The following DNM3 variants were observed in gnomAD, a reference collection of about 807,000 sequenced individuals.
DNM3 encodes dynamin-3.
DNM3 carries 47 observed loss-of-function variants against 101.6 expected under a neutral mutation model. The observed-to-expected ratio is 0.46, with a 90% confidence interval of 0.37 to 0.59. The LOEUF (loss-of-function observed/expected upper bound fraction) is 0.59. Among genes scored for constraint, DNM3 ranks in the 20% least tolerant of loss-of-function variants. The probability of loss-of-function intolerance (pLI) is 0.00; values close to 1 mark genes in which losing one functional copy is unlikely to be tolerated. For missense variants in DNM3, 849 were observed against 1,085.7 expected, an observed-to-expected ratio of 0.78 and a Z score of 3.06; for synonymous variants, 385 against 387.9, an observed-to-expected ratio of 0.99 and a Z score of 0.09.
chr1:172,354,686 C>T (rs2067363300), intron 17 of DNM3, among the ~76,000 whole-genome samples: 1 of 152,000 alleles, frequency 6.6e-6, no homozygotes, highest in African/African-American at 2.4e-5. Flanking sequence ...ACTGAGCACA[C>T]AGGAGGATGA....
intron 1 of DNM3, among the ~76,000 whole-genome samples, chr1:171,850,962 A>G (rs566967214): frequency 1.3e-5 from 2 of 152,148 alleles, no homozygotes; most frequent in Non-Finnish European, 2.9e-5. Context: ...GTATTTGTGA[A>G]TGAGTTAGTC....
intron 1 of DNM3, among the ~76,000 whole-genome samples, chr1:171,862,198 T>C (rs2034244301): frequency 6.6e-6 from 1 of 152,172 alleles, no homozygotes; most frequent in African/African-American, 2.4e-5. Flanking sequence ...AACATAGTTA[T>C]CATAATGTTA....
rs542724904 is a variant in DNM3, at chr1:172,350,720, C to A, written c.1893+27380C>A. 3.4e-4 allele frequency among the ~76,000 whole-genome samples: 52 copies of A among 152,268 alleles called. No individual in the cohort carries two copies. The Middle Eastern group carries it at 0.014, about 40-fold the overall frequency. ...TTACACAAGACACAATTCATAAAATCTTTTTATATCAGCAGGGAACTCATC... is the reference window on the plus strand; with the variant it reads ...TTACACAAGACACAATTCATAAAATATTTTTATATCAGCAGGGAACTCATC... On this transcript the variant is annotated intron_variant, in intron 17 of 20. Coordinates refer to ENST00000627582, the MANE Select transcript of DNM3 (RefSeq NM_015569.5).
chr1:172,100,801 T>A (rs2054586628), intron 13 of DNM3, among the ~76,000 whole-genome samples: 1 of 152,190 alleles, frequency 6.6e-6, no homozygotes, highest in African/African-American at 2.4e-5. Flanking sequence ...TTCCATATTT[T>A]TGTTCTGCTC....
At chr1:172,265,490 A>G (rs914354335) in intron 15 of DNM3, among the ~76,000 whole-genome samples, 8 of 152,208 alleles carry the variant, frequency 5.3e-5, no homozygotes, top group African/African-American at 1.9e-4. Context: ...GCTCTTTTAA[A>G]GATGGCATCA....
At chr1:171,878,357 C>T (rs1571375503) in intron 1 of DNM3, among the ~76,000 whole-genome samples, 1 of 149,350 alleles carries the variant, frequency 6.7e-6, no homozygotes, top group Non-Finnish European at 1.5e-5. Context: ...ATTGAAGAGA[C>T]AGAAAATATT....
At chr1:172,233,458 G>A (rs1167946825) in intron 14 of DNM3, among the ~76,000 whole-genome samples, 1 of 152,080 alleles carries the variant, frequency 6.6e-6, no homozygotes, top group Non-Finnish European at 1.5e-5. Context: ...TTCTACCAGA[G>A]GTACAAGGAG....
At chr1:172,153,126 T>C (rs528175874) in intron 14 of DNM3, among the ~76,000 whole-genome samples, 5 of 152,298 alleles carry the variant, frequency 3.3e-5, no homozygotes, top group African/African-American at 1.2e-4. Context: ...AGCATTAGAA[T>C]TGATTGGTTC....
chr1:171,947,994 G>A (rs2042269468), intron 2 of DNM3, among the ~76,000 whole-genome samples: 7 of 152,186 alleles, frequency 4.6e-5, no homozygotes. Context: ...ATCTGTAGGG[G>A]CTTTTTCAAG....
chr1:171,941,296 G>C (rs533913239), intron 2 of DNM3, among the ~76,000 whole-genome samples: 25 of 152,310 alleles, frequency 1.6e-4, no homozygotes, highest in African/African-American at 4.8e-4. Flanking sequence ...GGTGGATTTA[G>C]CAAAGGTGGC....
intron 14 of DNM3, among the ~76,000 whole-genome samples, chr1:172,147,116 G>A (rs1258924107): frequency 1.3e-5 from 2 of 152,008 alleles, no homozygotes; most frequent in African/African-American, 2.4e-5. Context: ...ATAGTTCAAC[G>A]AATATTTATT....
chr1:172,123,141 C>G (rs2056418191), intron 13 of DNM3, among the ~76,000 whole-genome samples: 1 of 152,142 alleles, frequency 6.6e-6, no homozygotes, highest in Non-Finnish European at 1.5e-5. Context: ...AAAAAAGTCA[C>G]TTAGCCAATT....
chr1:172,200,787 G>T (rs957283184), intron 14 of DNM3, among the ~76,000 whole-genome samples: 1 of 152,014 alleles, frequency 6.6e-6, no homozygotes, highest in Non-Finnish European at 1.5e-5. Context: ...TTGTCCTTCA[G>T]CTCCTTTTTG....
chr1:172,203,382 G>C (rs1212208317), intron 14 of DNM3, among the ~76,000 whole-genome samples: 63 of 152,120 alleles, frequency 4.1e-4, no homozygotes, highest in Non-Finnish European at 1.5e-5. Flanking sequence ...ACATTGTGCT[G>C]ACAAACCCGG....
At chr1:171,975,139 G>A (rs1173657516) in intron 2 of DNM3, among the ~76,000 whole-genome samples, 1 of 152,058 alleles carries the variant, frequency 6.6e-6, no homozygotes, top group East Asian at 1.9e-4. Flanking sequence ...TTATAGGCAT[G>A]AGCTACTGCA....
At chr1:172,342,455 C>T (rs1018453719) in intron 17 of DNM3, among the ~76,000 whole-genome samples, 1 of 152,110 alleles carries the variant, frequency 6.6e-6, no homozygotes. Context: ...ATGTCCTTTG[C>T]AGCAACATGG....
Position 172,373,156 on chromosome 1 carries a change from G to A in DNM3, c.1894-5862G>A, listed in dbSNP as rs534499097. 1.5e-4 allele frequency among the ~76,000 whole-genome samples: 23 copies of A among 152,138 alleles called. No homozygotes were observed. The South Asian group carries it at 4.8e-3, about 32-fold the overall frequency. On this transcript the variant is annotated intron_variant, in intron 17 of 20. Transcript: ENST00000627582. ...TAACAATAGTATTTGTAGAAATTTT[G>A]AAGCCATGGTTAAAAAAAGAGAAAT...
intron 14 of DNM3, among the ~76,000 whole-genome samples, chr1:172,145,064 A>C (rs549788185): frequency 4.9e-5 from 7 of 142,982 alleles, no homozygotes; most frequent in African/African-American, 2.0e-4. Context: ...GAAAAGCTGT[A>C]AAAAAAAAAG....
chr1:172,412,877 A>G (rs2071290269), downstream of DNM3, among the ~76,000 whole-genome samples: 1 of 152,198 alleles, frequency 6.6e-6, no homozygotes, highest in Admixed American at 6.5e-5. Flanking sequence ...TTGGAGAAAG[A>G]TGGGATTTTT....
Sources: gnomAD v4.1 joint callset for allele counts (sites outside exome capture counted in the v4.1 genomes callset) on GRCh38, gnomAD v4.1.1 for gene constraint, MANE v1.5 for transcripts, NCBI Gene and HGNC (gene_info 2026-07-23, HGNC 2026-07-21) for gene names.